Variants in DNAH14 observed in about 807,000 individuals in gnomAD.
DNAH14 encodes the protein dynein axonemal heavy chain 14.
A neutral mutation model predicts 520.9 loss-of-function variants in DNAH14; 478 were observed. That is an observed-to-expected ratio of 0.92 (90% CI 0.85 to 0.99). The LOEUF (loss-of-function observed/expected upper bound fraction) is 0.99. Ranked by LOEUF, DNAH14 falls within the 50% of genes least tolerant of loss-of-function variation. The pLI is 0.00. For synonymous variants in DNAH14, 1,581 were observed against 1,757.2 expected, an observed-to-expected ratio of 0.90 and a Z score of 2.51; for missense variants, 4,831 against 5,234.5, an observed-to-expected ratio of 0.92 and a Z score of 2.38.
At chr1:224,988,388 C>A (rs948241574) in intron 8 of DNAH14, among the ~76,000 whole-genome samples, 10 of 152,082 alleles carry the variant, frequency 6.6e-5, no homozygotes, top group African/African-American at 2.4e-4. Context: ...CATCACTGAA[C>A]GTTAAGAGAA....
At chr1:225,145,098 A>G (rs1054408662) in intron 29 of DNAH14, among the ~76,000 whole-genome samples, 1 of 152,236 alleles carries the variant, frequency 6.6e-6, no homozygotes, top group African/African-American at 2.4e-5. Context: ...AGATTTATGT[A>G]AAAACATGAC....
intron 1 of DNAH14, among the ~76,000 whole-genome samples, chr1:224,935,726 A>G (rs1009937845): frequency 1.3e-5 from 2 of 151,852 alleles, no homozygotes; most frequent in Non-Finnish European, 3.0e-5. Flanking sequence ...CTTAACAAAC[A>G]TTTGCAGAAC....
rs1049992260 is a variant in DNAH14, at chr1:225,346,337, A to G, written c.11054A>G (p.His3685Arg). 1.3e-6 allele frequency: 2 copies of G among 1,536,484 alleles called. No homozygotes were observed. The highest frequency in any genetic ancestry group is 1.4e-5 in the African/African-American group (1 of 71,788). ...AATGAGAAAAATCTCTTAGATAAGC[A>G]TATTAAAAGTGCAATAGACATGTTG... ...LENEKNLLDK[H>R]IKSAIDMLTK... The change falls in exon 70 of 86, where the codon CAT becomes CGT. Residue 3685 changes from histidine to arginine, a missense_variant. Physicochemically the swap from His to Arg is conservative, Grantham distance 29 (BLOSUM62 0). Coordinates refer to ENST00000682510, the MANE Select transcript of DNAH14 (RefSeq NM_001367479.1).
At chr1:225,231,676 C>T (rs755276525) in intron 42 of DNAH14, among the ~76,000 whole-genome samples, 5 of 152,044 alleles carry the variant, frequency 3.3e-5, no homozygotes, top group Non-Finnish European at 7.4e-5. Context: ...CATTTGCTTT[C>T]GAATGATAAA....
intron 23 of DNAH14, among the ~76,000 whole-genome samples, chr1:225,109,429 ACTT>A (rs1175766505): frequency 1.3e-5 from 2 of 151,928 alleles, no homozygotes; most frequent in African/African-American, 4.8e-5. Flanking sequence ...GAGATCTTTC[ACTT>A]CTTAGGTTGA....
At position 225,153,763 on chromosome 1, in the gene DNAH14, T is replaced by C; in HGVS notation, c.5210T>C (p.Phe1737Ser). The C allele has an allele frequency of 6.5e-7, 1 of 1,547,074 alleles. No individual in the cohort carries two copies. Residue 1737 changes from phenylalanine to serine, a missense_variant, in exon 34 of 86, where the codon TTT becomes TCT. Coordinates refer to ENST00000682510, the MANE Select transcript of DNAH14 (RefSeq NM_001367479.1). ...AATGTTTGATAGGATCATTATAATT[T>C]TGGCTTGAGATCTCTGAAGATAGTT... ...KQLSQQDHYN[F>S]GLRSLKIVLI...
intron 37 of DNAH14, among the ~76,000 whole-genome samples, chr1:225,186,378 C>A (rs1349192385): frequency 6.6e-6 from 1 of 151,632 alleles, no homozygotes; most frequent in Non-Finnish European, 1.5e-5. Context: ...ATTATCACAG[C>A]AATAATAATA....
chr1:225,283,441 GAA>G (rs71170070), intron 54 of DNAH14, among the ~76,000 whole-genome samples: 99 of 134,184 alleles, frequency 7.4e-4, no homozygotes, highest in African/African-American at 1.0e-3. Context: ...AGACCAAAAA[GAA>G]AAAAAAAAAA....
At chr1:225,256,425 T>C (rs2092736889) in intron 44 of DNAH14, among the ~76,000 whole-genome samples, 1 of 151,732 alleles carries the variant, frequency 6.6e-6, no homozygotes, top group Non-Finnish European at 1.5e-5. Context: ...TGCGGCAGGA[T>C]TGGGTAAGAA....
intron 21 of DNAH14, among the ~76,000 whole-genome samples, chr1:225,091,472 C>T (rs1321239146): frequency 1.3e-5 from 2 of 152,042 alleles, no homozygotes; most frequent in African/African-American, 4.8e-5. Context: ...TTTTCATATC[C>T]AGCCAAATTA....
intron 10 of DNAH14, among the ~76,000 whole-genome samples, chr1:225,019,044 T>C (rs1159802838): frequency 1.3e-5 from 2 of 152,174 alleles, no homozygotes; most frequent in African/African-American, 4.8e-5. Flanking sequence ...AATAACACAG[T>C]GACAAGATCA....
At chr1:225,308,111 C>G (rs1287947773) in intron 59 of DNAH14, among the ~76,000 whole-genome samples, 174 bp from the exon 60 acceptor site, 1 of 152,176 alleles carries the variant, frequency 6.6e-6, no homozygotes, top group African/African-American at 2.4e-5. Context: ...AGAGCTCTTG[C>G]TCTCTCCATT....
intron 1 of DNAH14, among the ~76,000 whole-genome samples, chr1:224,944,686 C>T (rs576381612): frequency 1.1e-4 from 16 of 152,182 alleles, no homozygotes; most frequent in Middle Eastern, 3.4e-3. Flanking sequence ...AGGGCAGGCC[C>T]GGTGGTGACA....
chr1:225,312,447 G>A (rs1050046463), intron 60 of DNAH14, among the ~76,000 whole-genome samples: 3 of 151,926 alleles, frequency 2.0e-5, no homozygotes, highest in East Asian at 3.9e-4. Flanking sequence ...TCTTTCTCTC[G>A]CCTGATTGTC....
intron 12 of DNAH14, among the ~76,000 whole-genome samples, chr1:225,040,494 AC>A (rs1198678917): frequency 2.0e-5 from 3 of 152,212 alleles, no homozygotes; most frequent in African/African-American, 7.2e-5. Context: ...TATTAAGTAT[AC>A]GATACCTGCA....
At chr1:224,941,579 C>T (rs2059422567) in intron 1 of DNAH14, among the ~76,000 whole-genome samples, 2 of 151,800 alleles carry the variant, frequency 1.3e-5, no homozygotes, top group South Asian at 2.1e-4. Context: ...GTGTTTTAGA[C>T]ATGAAGCCCT....
intron 41 of DNAH14, among the ~76,000 whole-genome samples, chr1:225,229,551 A>T (rs1399000896): frequency 1.3e-5 from 2 of 152,256 alleles, no homozygotes; most frequent in African/African-American, 4.8e-5. Context: ...GGATAAAGAA[A>T]ATATGGCACA....
chr1:225,233,792 T>C (rs1398401334), intron 42 of DNAH14, among the ~76,000 whole-genome samples: 1 of 152,210 alleles, frequency 6.6e-6, no homozygotes, highest in African/African-American at 2.4e-5. Context: ...TTAGTTTGAT[T>C]AGATCCCATT....
At position 225,331,481 on chromosome 1, in the gene DNAH14, C is replaced by G; in HGVS notation, c.9768C>G (p.Thr3256=). The G allele has an allele frequency of 6.4e-7, 1 of 1,551,188 alleles. No homozygotes were observed. Among genetic ancestry groups the G allele is most frequent in the Non-Finnish European group, 8.7e-7 (1 of 1,146,740 alleles). Residue 3256 remains threonine, a synonymous_variant, in exon 65 of 86, where the codon ACC becomes ACG. Coordinates refer to ENST00000682510, the MANE Select transcript of DNAH14 (RefSeq NM_001367479.1). ...LLFLQAAYKD[T]VAEKQLLANR... Reference sequence around the variant, plus strand: ...TTTTACAGGCAGCTTACAAAGATACCGTTGCTGAAAAACAACTATTAGCAA... The same window carrying G: ...TTTTACAGGCAGCTTACAAAGATACGGTTGCTGAAAAACAACTATTAGCAA...
Sources: allele counts gnomAD v4.1 joint callset (sites outside exome capture counted in the v4.1 genomes callset), GRCh38; gene constraint gnomAD v4.1.1; transcripts MANE v1.5; gene names NCBI Gene and HGNC (gene_info 2026-07-23, HGNC 2026-07-21).